Variants in ATP8A2 observed in about 807,000 individuals in gnomAD.
ATP8A2 encodes phospholipid-transporting ATPase IB.
ATP8A2 carries 100 observed loss-of-function variants against 165.6 expected under a neutral mutation model. The observed-to-expected ratio is 0.60, with a 90% CI of 0.51 to 0.71. ATP8A2 has a LOEUF of 0.71. ATP8A2 is among the 30% of genes least tolerant of loss of function. ATP8A2 has a pLI of 0.00. For synonymous variants in ATP8A2, 543 were observed against 548.8 expected, an observed-to-expected ratio of 0.99 and a Z score of 0.15; for missense variants, 1,227 against 1,479.5, an observed-to-expected ratio of 0.83 and a Z score of 2.80.
At chr13:25,838,725 G>T (rs1228567592) in intron 29 of ATP8A2, among the ~76,000 whole-genome samples, 2 of 152,096 alleles carry the variant, frequency 1.3e-5, no homozygotes, top group African/African-American at 2.4e-5. Flanking sequence ...ACTTGTAGAG[G>T]TTTAAATAAA....
chr13:25,570,972 C>A, intron 17 of ATP8A2, 100 bp downstream of exon 17: 1 of 827,884 alleles, frequency 1.2e-6, no homozygotes, highest in Non-Finnish European at 1.9e-6. Flanking sequence ...GTCCCACAGA[C>A]TCGGCTGTCT....
intron 1 of ATP8A2, among the ~76,000 whole-genome samples, chr13:25,390,019 G>A (rs992806906): frequency 1.7e-5 from 2 of 117,796 alleles, no homozygotes; most frequent in South Asian, 3.0e-4. Context: ...TTTTGAAACG[G>A]AGTCTTGCTC....
intron 6 of ATP8A2, among the ~76,000 whole-genome samples, chr13:25,534,613 T>G (rs1442186482): frequency 6.6e-6 from 1 of 152,220 alleles, no homozygotes; most frequent in Non-Finnish European, 1.5e-5. Context: ...CATCGTTCAT[T>G]TGGGAGAAAA....
At chr13:25,995,850 A>G (rs1427288970) in intron 35 of ATP8A2, among the ~76,000 whole-genome samples, 2 of 152,098 alleles carry the variant, frequency 1.3e-5, no homozygotes, top group African/African-American at 2.4e-5. Flanking sequence ...CATTTGTACT[A>G]TCCATTGTTG....
rs1954984081 is a variant in ATP8A2 at position 25,938,677 on chromosome 13, A to C, written c.3184-22898A>C. ...CTGCTCATCCACCATGGAATAGAGCAAGCAGGGAGACATGCTTTGATTCAA... is the reference window on the plus strand; with the variant it reads ...CTGCTCATCCACCATGGAATAGAGCCAGCAGGGAGACATGCTTTGATTCAA... On this transcript the variant is annotated intron_variant, in intron 33 of 36. Transcript: ENST00000381655. Among the ~76,000 whole-genome samples, 3 of 152,178 alleles carry C rather than the reference A, an allele frequency of 2.0e-5. No individual in the cohort carries two copies. The South Asian group carries it at 6.2e-4, about 32-fold the overall frequency.
intron 24 of ATP8A2, among the ~76,000 whole-genome samples, chr13:25,632,773 T>C (rs570565539): frequency 6.6e-6 from 1 of 152,220 alleles, no homozygotes; most frequent in African/African-American, 2.4e-5. Flanking sequence ...AGAGGAAGAT[T>C]GACAGTCTGC....
chr13:25,772,156 C>T (rs548611748), intron 26 of ATP8A2, among the ~76,000 whole-genome samples: 124 of 152,290 alleles, frequency 8.1e-4, no homozygotes, highest in African/African-American at 2.9e-3. Context: ...ACCTTGCTGC[C>T]GTCGCTGAGT....
intron 33 of ATP8A2, among the ~76,000 whole-genome samples, chr13:25,906,831 A>G (rs79481292): frequency 1.3e-5 from 2 of 152,044 alleles, no homozygotes; most frequent in African/African-American, 4.8e-5. Flanking sequence ...CTGGTGATCA[A>G]CTCTGTACTT....
chr13:25,630,670 C>T (rs1327601090), intron 24 of ATP8A2, among the ~76,000 whole-genome samples: 2 of 152,064 alleles, frequency 1.3e-5, no homozygotes, highest in African/African-American at 2.4e-5. Flanking sequence ...CTTGAGACAG[C>T]CCTTATGTTG....
At chr13:25,941,319 C>T (rs1346730333) in intron 33 of ATP8A2, among the ~76,000 whole-genome samples, 3 of 152,220 alleles carry the variant, frequency 2.0e-5, no homozygotes, top group African/African-American at 7.2e-5. Context: ...TGAAACGATC[C>T]CATGGCTTTC....
chr13:25,710,135 G>T (rs1316544144), intron 25 of ATP8A2, among the ~76,000 whole-genome samples: 1 of 152,018 alleles, frequency 6.6e-6, no homozygotes, highest in Admixed American at 6.5e-5. Context: ...TAATTTTAAA[G>T]TATGGATACG....
At chr13:25,722,991 G>A (rs2043413920) in intron 25 of ATP8A2, among the ~76,000 whole-genome samples, 1 of 152,222 alleles carries the variant, frequency 6.6e-6, no homozygotes, top group South Asian at 2.1e-4. Flanking sequence ...TTTACTCCGT[G>A]TTAATTCCTG....
chr13:25,427,259 G>A (rs1186766064), intron 1 of ATP8A2, among the ~76,000 whole-genome samples: 1 of 151,970 alleles, frequency 6.6e-6, no homozygotes, highest in East Asian at 1.9e-4. Context: ...GAGGGATCTA[G>A]GTTGTGTGCA....
chr13:26,021,762 CTG>C lies in ATP8A2; in HGVS notation c.*1780_*1781del, dbSNP rs1338421876. The C allele has an allele frequency of 6.6e-6, 1 of 152,178 alleles. No individual in the cohort carries two copies. The highest frequency in any genetic ancestry group is 1.5e-5 in the Non-Finnish European group (1 of 68,024). The allele number at this position is 152,178 out of a possible 1,614,324, so 9.4% of individuals were successfully genotyped here. On this transcript the variant is annotated 3_prime_UTR_variant, in exon 37 of 37. Coordinates refer to ENST00000381655, the MANE Select transcript of ATP8A2 (RefSeq NM_016529.6). ...GGAAATGAATGAATTTATCACATGACTGTGCAGCGAAGGAGCACACCTGTCAC... is the reference window on the plus strand; with the variant it reads ...GGAAATGAATGAATTTATCACATGACTGCAGCGAAGGAGCACACCTGTCAC...
chr13:25,372,349 G>T lies in ATP8A2; in HGVS notation c.76+61G>T. 7.7e-7 allele frequency: 1 copy of T among 1,290,716 alleles called. No individual in the cohort carries two copies. Among genetic ancestry groups the T allele is most frequent in the Non-Finnish European group, 1.0e-6 (1 of 977,518 alleles). 80.0% of individuals were successfully genotyped at this position (1,290,716 alleles called of 1,614,324 possible). A position where few individuals can be genotyped will look rare whatever the true frequency, so the allele number is the denominator to read the frequency against. The stretch of plus-strand genomic sequence containing the variant: ...CCGGGGCGGGGGCGGCGCGGGGCGC[G>T]CCTGCGGTTATGCGACACTGCCCCG... On this transcript the variant is annotated intron_variant, in intron 1 of 36. Coordinates refer to ENST00000381655, the MANE Select transcript of ATP8A2 (RefSeq NM_016529.6). This position sits in a 1 kb window ranked among gnomAD's most constrained non-coding sequence, Gnocchi z 4.8.
At chr13:25,871,474 G>C (rs957058207) in intron 33 of ATP8A2, among the ~76,000 whole-genome samples, 1 of 152,120 alleles carries the variant, frequency 6.6e-6, no homozygotes, top group African/African-American at 2.4e-5. Context: ...GTATAAAAGT[G>C]CCAGAGAAAG....
intron 30 of ATP8A2, among the ~76,000 whole-genome samples, chr13:25,846,318 A>G (rs1413526092): frequency 6.6e-6 from 1 of 152,212 alleles, no homozygotes; most frequent in Non-Finnish European, 1.5e-5. Context: ...TGAACAGGAA[A>G]TGTTAGCAAA....
intron 1 of ATP8A2, among the ~76,000 whole-genome samples, chr13:25,404,914 C>T (rs1221396550): frequency 2.0e-5 from 3 of 151,978 alleles, no homozygotes; most frequent in Non-Finnish European, 2.9e-5. Context: ...GACCAGAATT[C>T]GGTGAAACCT....
intron 1 of ATP8A2, among the ~76,000 whole-genome samples, chr13:25,417,259 G>A (rs776352372): frequency 1.3e-5 from 2 of 151,908 alleles, no homozygotes; most frequent in Non-Finnish European, 2.9e-5. Flanking sequence ...TCAGCCTGTT[G>A]GTGTAACTGA....
Sources: gnomAD v4.1 joint callset for allele counts (sites outside exome capture counted in the v4.1 genomes callset) on GRCh38, gnomAD v4.1.1 for gene constraint, Gnocchi (gnomAD v3.1) non-coding constraint, MANE v1.5 for transcripts, NCBI Gene and HGNC (gene_info 2026-07-23, HGNC 2026-07-21) for gene names.